The following WDTC1 variants were observed in gnomAD, a reference collection of about 807,000 sequenced individuals.
WDTC1 encodes the protein WD and tetratricopeptide repeats protein 1.
WDTC1 carries 12 observed loss-of-function variants against 76.0 expected under a neutral mutation model. The observed-to-expected ratio is 0.16, with a 90% CI of 0.10 to 0.26. The LOEUF is 0.26. Ranked by LOEUF, WDTC1 falls within the 10% of genes least tolerant of loss-of-function variation. The probability of loss-of-function intolerance (pLI) is 1.00; values close to 1 mark genes in which losing one functional copy is unlikely to be tolerated. For missense variants in WDTC1, 511 were observed against 908.8 expected (o/e 0.56, Z 5.63); for synonymous variants, 326 against 350.8 (o/e 0.93, Z 0.79).
At chr1:27,293,304 T>C (rs564778160) in intron 7 of WDTC1, among the ~76,000 whole-genome samples, 3 of 150,704 alleles carry the variant, frequency 2.0e-5, no homozygotes, top group South Asian at 2.1e-4. Context: ...TGGTGGCGGG[T>C]GCCTGTAGTC....
At chr1:27,288,213 G>C (rs1180589978) in intron 6 of WDTC1, among the ~76,000 whole-genome samples, 1 of 152,096 alleles carries the variant, frequency 6.6e-6, no homozygotes, top group Non-Finnish European at 1.5e-5. Flanking sequence ...AAGGAGATCA[G>C]CTTCAGTTAC....
chr1:27,292,134 C>T (rs2013551133), intron 6 of WDTC1, 81 bp from the exon 7 acceptor site: 13 of 1,364,154 alleles, frequency 9.5e-6, no homozygotes, highest in Non-Finnish European at 1.2e-5. Context: ...AATCCTCTTG[C>T]ATAACAAGAA....
At chr1:27,253,973 G>C (rs1234162427) in intron 1 of WDTC1, among the ~76,000 whole-genome samples, 1 of 152,018 alleles carries the variant, frequency 6.6e-6, no homozygotes, top group African/African-American at 2.4e-5. Context: ...TTATTGATCT[G>C]ATTATTTGTG....
intron 2 of WDTC1, 46 bp from the exon 3 acceptor site, chr1:27,263,106 T>C (rs200595285): frequency 5.0e-6 from 8 of 1,589,282 alleles, no homozygotes; most frequent in East Asian, 4.5e-5. Flanking sequence ...TAATAAATCA[T>C]ATTTAATTGA....
chr1:27,242,349 A>G (rs1275458790), intron 1 of WDTC1, among the ~76,000 whole-genome samples: 3 of 152,144 alleles, frequency 2.0e-5, no homozygotes, highest in Non-Finnish European at 4.4e-5. Context: ...TGCACCTGTA[A>G]TCCTAGCTAC....
intron 1 of WDTC1, among the ~76,000 whole-genome samples, chr1:27,244,250 A>G (rs1314280742): frequency 2.0e-5 from 3 of 152,196 alleles, no homozygotes; most frequent in African/African-American, 7.2e-5. Flanking sequence ...GACAGAAAAT[A>G]GGTGTCAGAA....
At chr1:27,260,563 C>CA (rs1362457965) in intron 1 of WDTC1, among the ~76,000 whole-genome samples, 10 of 152,140 alleles carry the variant, frequency 6.6e-5, no homozygotes, top group African/African-American at 2.2e-4. Flanking sequence ...AGCTGAGGAT[C>CA]AGAGATTTGA....
At chr1:27,290,103 G>A (rs566030981) in intron 6 of WDTC1, among the ~76,000 whole-genome samples, 1 of 151,948 alleles carries the variant, frequency 6.6e-6, no homozygotes, top group Admixed American at 6.6e-5. Flanking sequence ...CTGAGACAGG[G>A]TCTCACTCCA....
At chr1:27,292,967 G>C (rs2013578575) in intron 7 of WDTC1, among the ~76,000 whole-genome samples, 2 of 148,150 alleles carry the variant, frequency 1.3e-5, no homozygotes, top group Admixed American at 6.7e-5. Flanking sequence ...GACCAGGCTA[G>C]TCTTGAACTC....
At chr1:27,258,444 A>C (rs946530471) in intron 1 of WDTC1, among the ~76,000 whole-genome samples, 3 of 151,288 alleles carry the variant, frequency 2.0e-5, no homozygotes, top group Non-Finnish European at 4.4e-5. Flanking sequence ...AGGCATGAGA[A>C]TCACTTGAAC....
In WDTC1 at chr1:27,289,476, G is replaced by A. The variant is rs1262923201; in HGVS notation, c.479+1615G>A. Among the ~76,000 whole-genome samples the A allele has an allele frequency of 6.2e-4, 94 of 151,616 alleles. 1 individual carries two copies. Among genetic ancestry groups the A allele is most frequent in the Non-Finnish European group, 1.2e-3 (81 of 67,802 alleles). On this transcript the variant is annotated intron_variant, in intron 6 of 15. Coordinates refer to ENST00000319394, the MANE Select transcript of WDTC1 (RefSeq NM_001276252.2). ...ACTTCCTAGATGGGATGGCGGCCGG[G>A]CAGAGACGCTCCTCACTTTCCAGAC... is the stretch of plus-strand genomic sequence containing the variant.
At chr1:27,292,083 T>G in intron 6 of WDTC1, 132 bp from the exon 7 acceptor site, 17 of 964,878 alleles carry the variant, frequency 1.8e-5, no homozygotes, top group African/African-American at 1.7e-5. Context: ...TGGGAGTTGT[T>G]TTTGACATTC....
At chr1:27,287,193 A>ACCC (rs1164486961) in intron 5 of WDTC1, among the ~76,000 whole-genome samples, 3 of 151,372 alleles carry the variant, frequency 2.0e-5, no homozygotes, top group Non-Finnish European at 4.4e-5. Context: ...ACCCACACAC[A>ACCC]CCCATTCCCT....
intron 14 of WDTC1, 61 bp from the exon 15 acceptor site, chr1:27,304,940 T>C: frequency 6.6e-7 from 1 of 1,522,666 alleles, no homozygotes; most frequent in Non-Finnish European, 8.9e-7. Flanking sequence ...CCATGCAGCC[T>C]CTACTTGAGG....
At chr1:27,285,403 A>G (rs1342053860) in intron 5 of WDTC1, among the ~76,000 whole-genome samples, 2 of 152,094 alleles carry the variant, frequency 1.3e-5, no homozygotes, top group Non-Finnish European at 2.9e-5. Context: ...CTTTGTGAAC[A>G]TTTAAAGTCA....
intron 1 of WDTC1, among the ~76,000 whole-genome samples, chr1:27,239,822 A>C (rs992481684): frequency 6.0e-5 from 9 of 151,074 alleles, no homozygotes; most frequent in East Asian, 3.9e-4. Context: ...AAAAAAAAAA[A>C]AAAACCAAAA....
chr1:27,256,280 A>ACT (rs928693794), intron 1 of WDTC1, among the ~76,000 whole-genome samples: 2 of 151,590 alleles, frequency 1.3e-5, no homozygotes, highest in African/African-American at 4.9e-5. Flanking sequence ...CTCCAGGTGA[A>ACT]CTCTCTGTGG....
At chr1:27,247,084 T>G (rs1214650090) in intron 1 of WDTC1, among the ~76,000 whole-genome samples, 1 of 151,242 alleles carries the variant, frequency 6.6e-6, no homozygotes, top group Non-Finnish European at 1.5e-5. Flanking sequence ...TGAGACAGAG[T>G]CTCCCTCTGT....
chr1:27,281,972 C>T (rs2013203524), intron 3 of WDTC1, among the ~76,000 whole-genome samples: 1 of 152,170 alleles, frequency 6.6e-6, no homozygotes, highest in African/African-American at 2.4e-5. Flanking sequence ...GTCTGAACTT[C>T]AGTTTACTTT....
Sources: gnomAD v4.1 joint callset for allele counts (sites outside exome capture counted in the v4.1 genomes callset) on GRCh38, gnomAD v4.1.1 for gene constraint, MANE v1.5 for transcripts, NCBI Gene and HGNC (gene_info 2026-07-23, HGNC 2026-07-21) for gene names.